The following PHETA1 variants were observed in gnomAD, a reference collection of about 807,000 sequenced individuals.
PHETA1 encodes the protein sesquipedalian-1.
For missense variants in PHETA1, 348 were observed against 373.5 expected, an observed-to-expected ratio of 0.93 and a Z score of 0.56; for synonymous variants, 155 against 168.9, an observed-to-expected ratio of 0.92 and a Z score of 0.64.
Position 111,363,881 on chromosome 12 carries a change from A to T in PHETA1, c.-36-418T>A. 3.7e-6 allele frequency: 2 copies of T among 546,224 alleles called. No individual in the cohort carries two copies. The highest frequency in any genetic ancestry group is 5.7e-6 in the Non-Finnish European group (2 of 352,858). The allele number at this position is 546,224 out of a possible 1,614,324, so 33.8% of individuals were successfully genotyped here. On this transcript the variant is annotated intron_variant, in intron 2 of 2. Transcript: ENST00000683047. The surrounding 1 kb of genome is among the most constrained non-coding windows in gnomAD (Gnocchi z 7.4). The stretch of plus-strand genomic sequence containing the variant: ...TCACAAAGCAGGTTGGGCAGGGCTG[A>T]AATCCAAACCCAGGCCTCATTTCAG...
chr12:111,365,091 G>A (rs762456457), intron 2 of PHETA1, among the ~76,000 whole-genome samples: 9 of 152,134 alleles, frequency 5.9e-5, no homozygotes, highest in Non-Finnish European at 1.3e-4. Flanking sequence ...TATATGATGG[G>A]GCAACGCTGG....
In PHETA1 at chr12:111,363,492, C is replaced by T. The variant is rs770601892; in HGVS notation, c.-36-29G>A. The T allele has an allele frequency of 6.4e-7, 1 of 1,572,674 alleles. No homozygotes were observed. The highest frequency in any genetic ancestry group is 8.6e-7 in the Non-Finnish European group (1 of 1,161,224). On this transcript the variant is annotated intron_variant, in intron 2 of 2. Transcript: ENST00000683047. This position sits in a 1 kb window ranked among gnomAD's most constrained non-coding sequence, Gnocchi z 7.4. ...GACCCCATAGAAGGGCTGTTATGCA[C>T]AAGGCCACTGACGCTAGGTCACCCA...
At position 111,367,249 on chromosome 12, in the gene PHETA1, G is replaced by A. The variant is rs1253562643; in HGVS notation, c.-181-992C>T. On this transcript the variant is annotated intron_variant, in intron 1 of 2. Transcript: ENST00000683047. This position sits in a 1 kb window ranked among gnomAD's most constrained non-coding sequence, Gnocchi z 4.0. ...AGCCTAGCTGTCACCTCCTCAGAGAGGTGGTCCCTGGCCACCCTATGCACA... is the reference window on the plus strand; with the variant it reads ...AGCCTAGCTGTCACCTCCTCAGAGAAGTGGTCCCTGGCCACCCTATGCACA... Among the ~76,000 whole-genome samples, 4 of 152,156 alleles carry A rather than the reference G, an allele frequency of 2.6e-5. No homozygotes were observed. Among genetic ancestry groups the A allele is most frequent in the African/African-American group, 4.8e-5 (2 of 41,428 alleles).
Position 111,361,991 on chromosome 12 carries a change from CCAT to C in PHETA1, c.*684_*686del. The C allele has an allele frequency of 8.8e-6, 4 of 456,134 alleles. No individual in the cohort carries two copies. The highest frequency in any genetic ancestry group is 6.2e-5 in the South Asian group (4 of 64,564). The allele number at this position is 456,134 out of a possible 1,614,324, so 28.3% of individuals were successfully genotyped here. A position where few individuals can be genotyped will look rare whatever the true frequency, so the allele number is the denominator to read the frequency against. The stretch of plus-strand genomic sequence containing the variant: ...AGAGCCACTGCCACCAGGAGCACCA[CCAT>C]GAGGCCTGGCAGGGGACTTTTGGCA... On this transcript the variant is annotated 3_prime_UTR_variant, in exon 3 of 3. Transcript: ENST00000683047.
At position 111,367,966 on chromosome 12, in the gene PHETA1, C is replaced by T. The variant is rs144673609; in HGVS notation, c.-182+946G>A. On this transcript the variant is annotated intron_variant, in intron 1 of 2. Transcript: ENST00000683047. The surrounding 1 kb of genome is among the most constrained non-coding windows in gnomAD (Gnocchi z 4.0). Reference sequence around the variant, plus strand: ...CCAGGCTGGAGGACCTTGGACAAGTCGTTTCACCTTTCCAAGTCTCAGTGT... The same window carrying T: ...CCAGGCTGGAGGACCTTGGACAAGTTGTTTCACCTTTCCAAGTCTCAGTGT... 1.3e-5 allele frequency among the ~76,000 whole-genome samples: 2 copies of T among 152,326 alleles called. No homozygotes were observed. Among genetic ancestry groups the T allele is most frequent in the East Asian group, 1.9e-4 (1 of 5,182 alleles).
chr12:111,361,791 G>A lies in PHETA1; in HGVS notation c.*887C>T. ...AGTCAGCTGGTGGCCTCCCCTCCCT[G>A]GGGGAACCTGCTAGAAGGTCACCTC... On this transcript the variant is annotated 3_prime_UTR_variant, in exon 3 of 3. Coordinates refer to ENST00000683047, the MANE Select transcript of PHETA1 (RefSeq NM_144671.6). 1 of 421,792 alleles carries A rather than the reference G, an allele frequency of 2.4e-6. No individual in the cohort carries two copies. Among genetic ancestry groups the A allele is most frequent in the Non-Finnish European group, 4.8e-6 (1 of 208,686 alleles). The allele number at this position is 421,792 out of a possible 1,614,324, so 26.1% of individuals were successfully genotyped here.
In PHETA1 at chr12:111,362,662, A is replaced by G; in HGVS notation, c.*16T>C. On this transcript the variant is annotated 3_prime_UTR_variant, in exon 3 of 3. Transcript: ENST00000683047. The stretch of plus-strand genomic sequence containing the variant: ...CATAGAGCTTGTGTCCCCCTAAAAC[A>G]GGCGCCCTGGTGGCCTCAGGGCTGG... 2 of 1,549,218 alleles carry G rather than the reference A, an allele frequency of 1.3e-6. No individual in the cohort carries two copies. Among genetic ancestry groups the G allele is most frequent in the Non-Finnish European group, 8.7e-7 (1 of 1,146,814 alleles).
Position 111,363,793 on chromosome 12 carries a change from G to T in PHETA1, c.-36-330C>A. ...AATAGACCTTAGGTCACAGGGACTG[G>T]CCTGGCACCAGTGCAACAGATGAGG... is the stretch of plus-strand genomic sequence containing the variant. On this transcript the variant is annotated intron_variant, in intron 2 of 2. Coordinates refer to ENST00000683047, the MANE Select transcript of PHETA1 (RefSeq NM_144671.6). This position sits in a 1 kb window ranked among gnomAD's most constrained non-coding sequence, Gnocchi z 7.4. 1 of 1,322,526 alleles carries T rather than the reference G, an allele frequency of 7.6e-7. No individual in the cohort carries two copies. 81.9% of individuals were successfully genotyped at this position (1,322,526 alleles called of 1,614,324 possible).
chr12:111,365,112 C>T (rs1271975480), intron 2 of PHETA1, among the ~76,000 whole-genome samples: 2 of 152,210 alleles, frequency 1.3e-5, no homozygotes, highest in Admixed American at 6.5e-5. Flanking sequence ...CCAGGAAGGA[C>T]TTGTCGGGAG....
In PHETA1 at chr12:111,362,779, C is replaced by G. The variant is rs3809273; in HGVS notation, c.649G>C (p.Gly217Arg). ...PPRRRASAPHGPLDMAPFARL... is the reference protein window; with the variant it reads ...PPRRRASAPHRPLDMAPFARL... ...GCGAAGGGGGCCATGTCCAGGGGCCCGTGGGGTGCCGAGGCCCGGCGGCGA... is the reference window on the plus strand; with the variant it reads ...GCGAAGGGGGCCATGTCCAGGGGCCGGTGGGGTGCCGAGGCCCGGCGGCGA... Residue 217 changes from glycine to arginine, a missense_variant, in exon 3 of 3, where the codon GGG (glycine) becomes CGG (arginine). Gly to Arg is a moderately radical substitution (Grantham distance 125). Transcript: ENST00000683047. 5.0e-5 allele frequency: 77 copies of G among 1,539,928 alleles called. No individual in the cohort carries two copies. The East Asian group carries it at 7.6e-4, about 15-fold the overall frequency.
In PHETA1 at chr12:111,363,450, G is replaced by A. The variant is rs533043533; in HGVS notation, c.-23C>T. On this transcript the variant is annotated 5_prime_UTR_variant, in exon 3 of 3. Coordinates refer to ENST00000683047, the MANE Select transcript of PHETA1 (RefSeq NM_144671.6). This position sits in a 1 kb window ranked among gnomAD's most constrained non-coding sequence, Gnocchi z 7.4. The stretch of plus-strand genomic sequence containing the variant: ...CATGGTGGCAATCGCGGGGCCTGGA[G>A]GGGAGCCTGGGGCCTGGACCCCATA... 2 of 1,600,382 alleles carry A rather than the reference G, an allele frequency of 1.2e-6. No individual in the cohort carries two copies. Among genetic ancestry groups the A allele is most frequent in the East Asian group, 2.2e-5 (1 of 44,638 alleles).
At position 111,368,516 on chromosome 12, in the gene PHETA1, C is replaced by T. The variant is rs544939125; in HGVS notation, c.-182+396G>A. On this transcript the variant is annotated intron_variant, in intron 1 of 2. Coordinates refer to ENST00000683047, the MANE Select transcript of PHETA1 (RefSeq NM_144671.6). This position sits in a 1 kb window ranked among gnomAD's most constrained non-coding sequence, Gnocchi z 5.0. ...GACCCCAGAGACACGCCAGCACCGC[C>T]GTCCAGACACAGGCAGCCCCCTTGT... Among the ~76,000 whole-genome samples the T allele has an allele frequency of 9.2e-5, 14 of 152,236 alleles. No homozygotes were observed. Among genetic ancestry groups the T allele is most frequent in the Non-Finnish European group, 2.1e-4 (14 of 68,048 alleles).
In PHETA1 at chr12:111,361,564, G is replaced by A. The variant is rs1593002461; in HGVS notation, c.*1114C>T. 2 of 252,596 alleles carry A rather than the reference G, an allele frequency of 7.9e-6. No individual in the cohort carries two copies. The highest frequency in any genetic ancestry group is 2.1e-4 in the East Asian group (2 of 9,388). The allele number at this position is 252,596 out of a possible 1,614,324, so 15.6% of individuals were successfully genotyped here. ...TCCCTGGATGAAAAATGGGCACTGT[G>A]GTGAGAAGAAAGGGGACCGGCGGTC... is the stretch of plus-strand genomic sequence containing the variant. On this transcript the variant is annotated 3_prime_UTR_variant, in exon 3 of 3. Transcript: ENST00000683047.
chr12:111,362,874 T>G lies in PHETA1; in HGVS notation c.554A>C (p.Glu185Ala). Residue 185 changes from glutamate (E) to alanine (A), a missense_variant, in exon 3 of 3, where the codon GAG (glutamate) becomes GCG (alanine). Glu to Ala is a moderately radical substitution (Grantham distance 107). Transcript: ENST00000683047. The stretch of plus-strand genomic sequence containing the variant: ...AGTGCTCCAGACAGCGCAGCCATTC[T>G]CCTTGGGCGGGAGGGCACTGGGCCG... ...PRRPSALPPK[E>A]NGCAVWSTEA... 1 of 1,532,020 alleles carries G rather than the reference T, an allele frequency of 6.5e-7. No individual in the cohort carries two copies. The highest frequency in any genetic ancestry group is 8.7e-7 in the Non-Finnish European group (1 of 1,143,256). The allele number at this position is 1,532,020 out of a possible 1,614,324, so 94.9% of individuals were successfully genotyped here.
At chr12:111,364,539 G>A (rs1868904936) in intron 2 of PHETA1, among the ~76,000 whole-genome samples, 1 of 151,974 alleles carries the variant, frequency 6.6e-6, no homozygotes, top group Non-Finnish European at 1.5e-5. Flanking sequence ...GAAGGCCAAG[G>A]CCAATCCTTC....
In PHETA1 at chr12:111,367,560, A is replaced by G. The variant is rs1869107340; in HGVS notation, c.-181-1303T>C. Among the ~76,000 whole-genome samples, 1 of 152,232 alleles carries G rather than the reference A, an allele frequency of 6.6e-6. No individual in the cohort carries two copies. Among genetic ancestry groups the G allele is most frequent in the South Asian group, 2.1e-4 (1 of 4,832 alleles). On this transcript the variant is annotated intron_variant, in intron 1 of 2. Coordinates refer to ENST00000683047, the MANE Select transcript of PHETA1 (RefSeq NM_144671.6). The surrounding 1 kb of genome is among the most constrained non-coding windows in gnomAD (Gnocchi z 4.0). ...CACATGCTCCAGGCAAGCCACCCAA[A>G]TAAAGGGGCTGATCTTGGGGTCTCT...
chr12:111,362,413 TC>T lies in PHETA1; in HGVS notation c.*264del, dbSNP rs766706580. 3.5e-4 allele frequency: 320 copies of T among 909,798 alleles called. No homozygotes were observed. The highest frequency in any genetic ancestry group is 3.8e-4 in the Non-Finnish European group (235 of 626,208). The allele number at this position is 909,798 out of a possible 1,614,324, so 56.4% of individuals were successfully genotyped here. On this transcript the variant is annotated 3_prime_UTR_variant, in exon 3 of 3. Transcript: ENST00000683047. ...CTGGGGCCGGAGTTCTCAGGAAACC[TC>T]CCCCTCAGGCCCTGGATTCTCCTTA...
chr12:111,367,371 G>A lies in PHETA1; in HGVS notation c.-181-1114C>T, dbSNP rs1232628619. 6.6e-6 allele frequency among the ~76,000 whole-genome samples: 1 copy of A among 152,152 alleles called. No homozygotes were observed. The highest frequency in any genetic ancestry group is 1.5e-5 in the Non-Finnish European group (1 of 68,044). On this transcript the variant is annotated intron_variant, in intron 1 of 2. Coordinates refer to ENST00000683047, the MANE Select transcript of PHETA1 (RefSeq NM_144671.6). This position sits in a 1 kb window ranked among gnomAD's most constrained non-coding sequence, Gnocchi z 4.0. The stretch of plus-strand genomic sequence containing the variant: ...GTTTGTGGTCTGAATTCTAGTGCCT[G>A]GCATGCAGTAGGTACTCACACAGCT...
chr12:111,362,101 C>T lies in PHETA1; in HGVS notation c.*577G>A. On this transcript the variant is annotated 3_prime_UTR_variant, in exon 3 of 3. Transcript: ENST00000683047. ...TTCCGGTCCTGCACTAACACCTGCA[C>T]CTGTGTCCCCAGTCACTACCCTCCC... The T allele has an allele frequency of 2.3e-6, 1 of 430,474 alleles. No individual in the cohort carries two copies. Among genetic ancestry groups the T allele is most frequent in the South Asian group, 1.6e-5 (1 of 60,608 alleles). The allele number at this position is 430,474 out of a possible 1,614,324, so 26.7% of individuals were successfully genotyped here.
Sources: gnomAD v4.1 joint callset for allele counts (sites outside exome capture counted in the v4.1 genomes callset) on GRCh38, gnomAD v4.1.1 for gene constraint, Gnocchi (gnomAD v3.1) non-coding constraint, MANE v1.5 for transcripts, NCBI Gene and HGNC (gene_info 2026-07-23, HGNC 2026-07-21) for gene names.